The following SYCP2 variants were observed in gnomAD, a reference collection of about 807,000 sequenced individuals.
The protein encoded by SYCP2 is synaptonemal complex lateral element protein.
SYCP2 carries 55 observed loss-of-function variants against 211.3 expected under a neutral mutation model. The observed-to-expected ratio is 0.26, with a 90% CI of 0.21 to 0.33. The LOEUF (loss-of-function observed/expected upper bound fraction) is 0.33, where lower values mean the gene tolerates loss of function less well. Among genes scored for constraint, SYCP2 ranks in the 10% least tolerant of loss-of-function variants. The pLI is 1.00. For synonymous variants in SYCP2, 570 were observed against 555.2 expected (o/e 1.03, Z -0.37); for missense variants, 1,731 against 1,752.0 (o/e 0.99, Z 0.21).
chr20:59,925,568 T>C (rs926752927), intron 2 of SYCP2, among the ~76,000 whole-genome samples: 1 of 152,112 alleles, frequency 6.6e-6, no homozygotes, highest in African/African-American at 2.4e-5. Context: ...AAACATGAAC[T>C]GAATAAAAGG....
At chr20:59,871,199 G>A (rs1467048863) in intron 35 of SYCP2, among the ~76,000 whole-genome samples, 2 of 151,768 alleles carry the variant, frequency 1.3e-5, no homozygotes, top group East Asian at 1.9e-4. Flanking sequence ...AAACAAACAG[G>A]AAATTCACAA....
intron 15 of SYCP2, among the ~76,000 whole-genome samples, chr20:59,905,520 GT>G (rs2060197754): frequency 6.6e-6 from 1 of 151,964 alleles, no homozygotes; most frequent in Non-Finnish European, 1.5e-5. Flanking sequence ...AAATTGCTAC[GT>G]ACTGTATGAT....
rs749121145 is a variant in SYCP2, at chr20:59,915,523, C to T, written c.541G>A (p.Asp181Asn). 7 of 1,608,418 alleles carry T rather than the reference C, an allele frequency of 4.4e-6. No individual in the cohort carries two copies. In the Middle Eastern group the frequency reaches 9.9e-4, roughly 228 times the overall value. The change falls in exon 9 of 45, where the codon GAC becomes AAC. Residue 181 changes from aspartate (D) to asparagine (N), a missense_variant. Transcript: ENST00000357552. Reference protein sequence around the residue: ...EIIKKMNAMLDKMPQDARKIL... With the variant: ...EIIKKMNAMLNKMPQDARKIL... ...TTCCGGGCATCTTGAGGCATTTTGT[C>T]AAGCATAGCATTCATTTTTTTTATA...
At chr20:59,919,283 A>T (rs560229859) in intron 6 of SYCP2, 101 bp from the exon 7 acceptor site, 2 of 711,766 alleles carry the variant, frequency 2.8e-6, no homozygotes, top group Middle Eastern at 7.0e-4. Context: ...GACAGATTAC[A>T]TTTTAACTCA....
At chr20:59,926,292 T>C (rs906093828) in intron 2 of SYCP2, among the ~76,000 whole-genome samples, 2 of 152,032 alleles carry the variant, frequency 1.3e-5, no homozygotes, top group South Asian at 4.1e-4. Flanking sequence ...CAGCAGAAAT[T>C]ATCTCAGTGT....
Position 59,892,619 on chromosome 20 carries a change from G to A in SYCP2, c.1876C>T (p.Leu626=). The A allele has an allele frequency of 6.2e-7, 1 of 1,610,486 alleles. No homozygotes were observed. Among genetic ancestry groups the A allele is most frequent in the Non-Finnish European group, 8.5e-7 (1 of 1,178,118 alleles). ...GTACTTGCTCTTTGGTTATTACATA[G>A]TTCAATGTTTGTTACAGGTGTCCAA... is the stretch of plus-strand genomic sequence containing the variant. ...ACWTPVTNIE[L]CNNQRASTSS... The change falls in exon 23 of 45, where the codon CTA becomes TTA. Residue 626 remains leucine, a synonymous_variant. Transcript: ENST00000357552.
chr20:59,875,143 C>T (rs1246498061), intron 34 of SYCP2, 128 bp downstream of exon 34: 1 of 569,648 alleles, frequency 1.8e-6, no homozygotes, highest in Non-Finnish European at 3.0e-6. Context: ...ATTAGCTTAA[C>T]AATGAAGTTT....
At chr20:59,895,372 G>T in intron 20 of SYCP2, 65 bp downstream of exon 20, 2 of 1,377,262 alleles carry the variant, frequency 1.5e-6, no homozygotes, top group Non-Finnish European at 2.0e-6. Context: ...AAAGGAGTTA[G>T]CTCAATACAT....
At chr20:59,916,370 A>T (rs2060442756) in intron 8 of SYCP2, 116 bp downstream of exon 8, 2 of 634,660 alleles carry the variant, frequency 3.2e-6, no homozygotes, top group Non-Finnish European at 5.6e-6. Flanking sequence ...TTATGATAGA[A>T]ATATACTCCA....
At chr20:59,909,518 A>G (rs1363472378) in intron 14 of SYCP2, among the ~76,000 whole-genome samples, 1 of 151,990 alleles carries the variant, frequency 6.6e-6, no homozygotes, top group Non-Finnish European at 1.5e-5. Flanking sequence ...ATTTTTATCC[A>G]TTTCCCCTAC....
In SYCP2 at chr20:59,877,531, T is replaced by C. The variant is rs965710534; in HGVS notation, c.3004A>G (p.Lys1002Glu). ...KMTPSKNITK[K>E]MDKTIPEGRI... ...CCTTCCGGAATTGTCTTGTCCATCTTTTTTGTGATATTTTTACTGGGTGTC... is the reference window on the plus strand; with the variant it reads ...CCTTCCGGAATTGTCTTGTCCATCTCTTTTGTGATATTTTTACTGGGTGTC... Residue 1002 changes from lysine (K) to glutamate (E), a missense_variant, in exon 33 of 45, where the codon AAG becomes GAG. Transcript: ENST00000357552. 3 of 1,594,464 alleles carry C rather than the reference T, an allele frequency of 1.9e-6. 1 individual carries two copies. Among genetic ancestry groups the C allele is most frequent in the Non-Finnish European group, 2.6e-6 (3 of 1,175,494 alleles).
chr20:59,880,543 AAACAAC>A lies in SYCP2; in HGVS notation c.2773-78_2773-73del, dbSNP rs895701861. On this transcript the variant is annotated intron_variant, in intron 30 of 44. Coordinates refer to ENST00000357552, the MANE Select transcript of SYCP2 (RefSeq NM_014258.4). ...ATGTCATGCAAGGTAAGTTAAACCA[AAACAAC>A]AACAACAACAAAAAAAAACAAAACC... 3 of 825,216 alleles carry A rather than the reference AAACAAC, an allele frequency of 3.6e-6. No homozygotes were observed. In the Admixed American group the frequency reaches 1.1e-4, roughly 29 times the overall value. 51.1% of individuals were successfully genotyped at this position (825,216 alleles called of 1,614,324 possible). A position where few individuals can be genotyped will look rare whatever the true frequency, so the allele number is the denominator to read the frequency against.
At chr20:59,898,544 C>A (rs1462679620) in intron 18 of SYCP2, among the ~76,000 whole-genome samples, 3 of 152,086 alleles carry the variant, frequency 2.0e-5, no homozygotes, top group Non-Finnish European at 4.4e-5. Context: ...AAGAACATCA[C>A]ACACTGGGAC....
intron 7 of SYCP2, among the ~76,000 whole-genome samples, chr20:59,918,125 G>T (rs916176419): frequency 6.6e-6 from 1 of 152,116 alleles, no homozygotes. Flanking sequence ...GTGACTTTTT[G>T]ATATCCAGCA....
chr20:59,868,434 C>T lies in SYCP2; in HGVS notation c.3967G>A (p.Ala1323Thr), dbSNP rs565616803. The T allele has an allele frequency of 1.2e-6, 2 of 1,610,508 alleles. No homozygotes were observed. Among genetic ancestry groups the T allele is most frequent in the South Asian group, 1.1e-5 (1 of 90,742 alleles). Reference protein sequence around the residue: ...LPKKLCKIEDADHHIHKMSES... With the variant: ...LPKKLCKIEDTDHHIHKMSES... The stretch of plus-strand genomic sequence containing the variant: ...CTACTTTTGTGGATATGATGATCTG[C>T]ATCTTCAATTTTACACAGTTTTTTG... The change falls in exon 38 of 45, where the codon GCA becomes ACA. Residue 1323 changes from alanine to threonine, a missense_variant. Coordinates refer to ENST00000357552, the MANE Select transcript of SYCP2 (RefSeq NM_014258.4).
intron 20 of SYCP2, among the ~76,000 whole-genome samples, chr20:59,895,071 T>C (rs2059981212): frequency 6.6e-6 from 1 of 152,066 alleles, no homozygotes; most frequent in Non-Finnish European, 1.5e-5. Flanking sequence ...GTATCTAATT[T>C]TCATGCTAAA....
In SYCP2 at chr20:59,919,526, T is replaced by A. The variant is rs376600607; in HGVS notation, c.369A>T (p.Leu123=). 1.2e-6 allele frequency: 2 copies of A among 1,608,492 alleles called. No individual in the cohort carries two copies. The highest frequency in any genetic ancestry group is 1.7e-6 in the Non-Finnish European group (2 of 1,176,292). ...GATCAACTAAGTCTTCTATCATATT[T>A]AGAACAGCTTCATCTTTTGAATTTC... The part of the protein sequence containing the change: ...SQGNSKDEAV[L]NMIEDLVDLL... Residue 123 remains leucine, a synonymous_variant, in exon 6 of 45, where the codon CTA becomes CTT. Coordinates refer to ENST00000357552, the MANE Select transcript of SYCP2 (RefSeq NM_014258.4).
At chr20:59,928,896 G>A (rs1247062682) in intron 2 of SYCP2, among the ~76,000 whole-genome samples, 1 of 152,086 alleles carries the variant, frequency 6.6e-6, no homozygotes, top group African/African-American at 2.4e-5. Flanking sequence ...GATGTTCCAA[G>A]AGGAAAGAAT....
At chr20:59,932,862 G>A (rs949000175) in intron 1 of SYCP2, among the ~76,000 whole-genome samples, 2 of 152,090 alleles carry the variant, frequency 1.3e-5, no homozygotes, top group Admixed American at 1.3e-4. Context: ...AGGTGGGGAC[G>A]GCGGGAGGGA....
Sources: gnomAD v4.1 joint callset for allele counts (sites outside exome capture counted in the v4.1 genomes callset) on GRCh38, gnomAD v4.1.1 for gene constraint, MANE v1.5 for transcripts, NCBI Gene and HGNC (gene_info 2026-07-23, HGNC 2026-07-21) for gene names.